The following USH2A variants were observed in gnomAD, a reference collection of about 807,000 sequenced individuals.
USH2A encodes Usher syndrome 2A (autosomal recessive, mild).
USH2A carries 443 observed loss-of-function variants against 538.9 expected under a neutral mutation model. The observed-to-expected ratio is 0.82, with a 90% CI of 0.76 to 0.89. The LOEUF is 0.89. USH2A is among the 40% of genes least tolerant of loss of function. USH2A has a pLI of 0.00. For missense variants in USH2A, 6,633 were observed against 6,324.8 expected, an observed-to-expected ratio of 1.05 and a Z score of -1.65; for synonymous variants, 2,413 against 2,273.5, an observed-to-expected ratio of 1.06 and a Z score of -1.75.
intron 13 of USH2A, among the ~76,000 whole-genome samples, chr1:216,243,029 C>G (rs1228388610): frequency 6.6e-6 from 1 of 152,136 alleles, no homozygotes; most frequent in Admixed American, 6.5e-5. Context: ...AATAACTGCA[C>G]TGTTCAACAA....
At chr1:216,143,542 A>G (rs1247540649) in intron 21 of USH2A, among the ~76,000 whole-genome samples, 1 of 152,168 alleles carries the variant, frequency 6.6e-6, no homozygotes, top group Non-Finnish European at 1.5e-5. Context: ...GAAATGCCCT[A>G]AAGAGTAGAA....
intron 61 of USH2A, among the ~76,000 whole-genome samples, chr1:215,694,853 G>T (rs186154433): frequency 6.6e-6 from 1 of 152,094 alleles, no homozygotes; most frequent in Non-Finnish European, 1.5e-5. Flanking sequence ...CCTTAGAAAA[G>T]TTGTTTTACA....
rs561807996 is a variant in USH2A, at chr1:215,902,103, T to G, written c.7301-1198A>C. 3.9e-5 allele frequency among the ~76,000 whole-genome samples: 6 copies of G among 152,300 alleles called. No homozygotes were observed. In the South Asian group the frequency reaches 1.2e-3, roughly 32 times the overall value. ...TAATTGCTAGTATAATATACTTTGT[T>G]GGGAACATTCTGATTATTGTAATAT... On this transcript the variant is annotated intron_variant, in intron 38 of 71. Coordinates refer to ENST00000307340, the MANE Select transcript of USH2A (RefSeq NM_206933.4).
chr1:215,802,864 C>T (rs1662378553), intron 49 of USH2A, among the ~76,000 whole-genome samples: 1 of 152,056 alleles, frequency 6.6e-6, no homozygotes, highest in African/African-American at 2.4e-5. Flanking sequence ...AGAAATAACC[C>T]CAATGTCCGC....
chr1:215,927,218 A>G (rs948537745), intron 38 of USH2A, among the ~76,000 whole-genome samples: 5 of 152,144 alleles, frequency 3.3e-5, no homozygotes, highest in African/African-American at 1.2e-4. Context: ...ATACTGTGAA[A>G]TTCGTTCAGG....
rs1656003575 is a variant in USH2A at position 215,625,877 on chromosome 1, A to C, written c.15520-7T>G. On this transcript the variant is annotated splice_region_variant and splice_polypyrimidine_tract_variant and intron_variant, in intron 71 of 71. Coordinates refer to ENST00000307340, the MANE Select transcript of USH2A (RefSeq NM_206933.4). Reference sequence around the variant, plus strand: ...GGTCCTCTTCATCCACATACTGAAAAATAAGCCAATCATCATTGGCTACAT... The same window carrying C: ...GGTCCTCTTCATCCACATACTGAAACATAAGCCAATCATCATTGGCTACAT... The C allele has an allele frequency of 1.2e-6, 2 of 1,613,746 alleles. No homozygotes were observed. Among genetic ancestry groups the C allele is most frequent in the Non-Finnish European group, 1.7e-6 (2 of 1,179,626 alleles).
intron 40 of USH2A, among the ~76,000 whole-genome samples, chr1:215,892,296 T>A (rs1665229795): frequency 1.3e-5 from 2 of 152,200 alleles, no homozygotes; most frequent in Admixed American, 6.5e-5. Flanking sequence ...GTTTTCTTGT[T>A]ACATTCTCAT....
chr1:216,072,473 TTTCAAA>T, intron 29 of USH2A: 1 of 279,004 alleles, frequency 3.6e-6, no homozygotes, highest in South Asian at 3.8e-5. Context: ...CAGTTGCAGG[TTTCAAA>T]TGTGCTTTCT....
intron 11 of USH2A, among the ~76,000 whole-genome samples, chr1:216,288,160 C>T (rs1437208806): frequency 6.6e-6 from 1 of 151,966 alleles, no homozygotes; most frequent in Non-Finnish European, 1.5e-5. Context: ...ATGCTGAAAA[C>T]TCAGGGTGGA....
At chr1:216,406,149 C>T (rs2039391341) in intron 3 of USH2A, among the ~76,000 whole-genome samples, 1 of 152,012 alleles carries the variant, frequency 6.6e-6, no homozygotes, top group Non-Finnish European at 1.5e-5. Flanking sequence ...TTAATAAAAT[C>T]ATATGGATCT....
chr1:216,389,397 C>T (rs1001630210), intron 3 of USH2A, among the ~76,000 whole-genome samples: 1 of 152,110 alleles, frequency 6.6e-6, no homozygotes, highest in Non-Finnish European at 1.5e-5. Flanking sequence ...GTTGTTGGTT[C>T]AGTCTGGCCC....
rs571042867 is a variant in USH2A, at chr1:216,382,902, C to T, written c.652-17817G>A. 1.7e-3 allele frequency among the ~76,000 whole-genome samples: 257 copies of T among 151,592 alleles called. 3 individuals are homozygous for T. Among genetic ancestry groups the T allele is most frequent in the African/African-American group, 6.1e-3 (250 of 41,290 alleles). ...CACTAAATTTCACAGGATGAAAGCC[C>T]GAAGAAAACAAATAATGAAAATATA... On this transcript the variant is annotated intron_variant, in intron 3 of 71. Transcript: ENST00000307340.
chr1:216,122,664 A>G (rs1271611155), intron 21 of USH2A, among the ~76,000 whole-genome samples: 4 of 152,164 alleles, frequency 2.6e-5, no homozygotes, highest in African/African-American at 9.7e-5. Context: ...AGTGTGTACA[A>G]AATGGAGGCC....
Position 215,844,212 on chromosome 1 carries a change from A to G in USH2A, c.9258+82T>C. 6.5e-6 allele frequency: 9 copies of G among 1,386,382 alleles called. No homozygotes were observed. The South Asian group carries it at 1.1e-4, about 17-fold the overall frequency. The allele number at this position is 1,386,382 out of a possible 1,614,324, so 85.9% of individuals were successfully genotyped here. A position where few individuals can be genotyped will look rare whatever the true frequency, so the allele number is the denominator to read the frequency against. On this transcript the variant is annotated intron_variant, in intron 46 of 71. Coordinates refer to ENST00000307340, the MANE Select transcript of USH2A (RefSeq NM_206933.4). ...AAGAAATAATCTGTAACCAAGACAG[A>G]AGATATCCACTTGAAGACATAGCCT...
At chr1:216,026,135 A>T (rs557804235) in intron 32 of USH2A, among the ~76,000 whole-genome samples, 2 of 152,156 alleles carry the variant, frequency 1.3e-5, no homozygotes, top group Non-Finnish European at 2.9e-5. Context: ...AAGGTATAGT[A>T]AACATGGGGA....
At chr1:216,396,742 T>C (rs2039220095) in intron 3 of USH2A, among the ~76,000 whole-genome samples, 1 of 152,116 alleles carries the variant, frequency 6.6e-6, no homozygotes, top group African/African-American at 2.4e-5. Context: ...ATACAAACTA[T>C]GGTGATGGTC....
At chr1:216,160,148 C>A (rs921746239) in intron 21 of USH2A, among the ~76,000 whole-genome samples, 3 of 151,700 alleles carry the variant, frequency 2.0e-5, no homozygotes, top group South Asian at 2.1e-4. Flanking sequence ...TCATTGATTT[C>A]TCTTATTTTT....
rs767933081 is a variant in USH2A, at chr1:215,741,512, C to T, written c.11574G>A (p.Met3858Ile). The T allele has an allele frequency of 6.2e-7, 1 of 1,612,454 alleles. No homozygotes were observed. Among genetic ancestry groups the T allele is most frequent in the South Asian group, 1.1e-5 (1 of 90,762 alleles). ...GGGCTGCTTCAGGTGTTTTGACAAA[C>T]ATCCTACTGCTAACTCCACAACTTC... ...QNGSCGVSSR[M>I]FVKTPEAAPM... Residue 3858 changes from methionine (M) to isoleucine (I), a missense_variant, in exon 60 of 72, where the codon ATG becomes ATA. By Grantham distance (10) the Met-to-Ile change is conservative. Coordinates refer to ENST00000307340, the MANE Select transcript of USH2A (RefSeq NM_206933.4).
chr1:216,288,698 A>C (rs140778752), intron 11 of USH2A, among the ~76,000 whole-genome samples: 74 of 152,316 alleles, frequency 4.9e-4, no homozygotes, highest in African/African-American at 1.7e-3. Flanking sequence ...CTTCAATAAG[A>C]AGCCTGTTTT....
Sources: gnomAD v4.1 joint callset for allele counts (sites outside exome capture counted in the v4.1 genomes callset) on GRCh38, gnomAD v4.1.1 for gene constraint, MANE v1.5 for transcripts, NCBI Gene and HGNC (gene_info 2026-07-23, HGNC 2026-07-21) for gene names.